Variants in MICU1 observed in about 807,000 individuals in gnomAD.
MICU1 encodes the protein calcium uptake protein 1, mitochondrial.
Under a neutral mutation model 56.8 loss-of-function variants are expected in MICU1, and 45 were observed. The observed-to-expected ratio is 0.79, with a 90% CI of 0.62 to 1.02. The LOEUF (loss-of-function observed/expected upper bound fraction) is 1.02, where lower values mean the gene tolerates loss of function less well. MICU1 is among the 50% of genes least tolerant of loss of function. The probability of loss-of-function intolerance (pLI) is 0.00; values close to 1 mark genes in which losing one functional copy is unlikely to be tolerated. For missense variants in MICU1, 504 were observed against 587.1 expected, an observed-to-expected ratio of 0.86 and a Z score of 1.46; for synonymous variants, 186 against 195.1, an observed-to-expected ratio of 0.95 and a Z score of 0.39.
chr10:72,481,403 GTTTTGTT>G (rs764147253), intron 6 of MICU1, among the ~76,000 whole-genome samples: 79 of 152,048 alleles, frequency 5.2e-4, no homozygotes, highest in Admixed American at 1.6e-3. Context: ...TTTGGTTTTT[GTTTTGTT>G]TTTTGTTTTT....
At chr10:72,562,320 G>C (rs1230583608) in intron 3 of MICU1, among the ~76,000 whole-genome samples, 1 of 151,660 alleles carries the variant, frequency 6.6e-6, no homozygotes, top group Non-Finnish European at 1.5e-5. Flanking sequence ...TGCCAGGCTA[G>C]TTTTTGTATT....
At chr10:72,576,132 T>C (rs1417119467) in intron 1 of MICU1, among the ~76,000 whole-genome samples, 1 of 146,718 alleles carries the variant, frequency 6.8e-6, no homozygotes, top group African/African-American at 2.5e-5. Context: ...TAGAATCTCT[T>C]GAACTTGGGA....
At chr10:72,537,261 T>G (rs1444956669) in intron 4 of MICU1, among the ~76,000 whole-genome samples, 2 of 152,230 alleles carry the variant, frequency 1.3e-5, no homozygotes, top group Non-Finnish European at 2.9e-5. Flanking sequence ...GTTCTTAAAA[T>G]GTTTGGAAGT....
At chr10:72,542,748 G>C (rs1212072325) in intron 4 of MICU1, among the ~76,000 whole-genome samples, 1 of 152,232 alleles carries the variant, frequency 6.6e-6, no homozygotes, top group Admixed American at 6.5e-5. Flanking sequence ...GGGCCAGTGT[G>C]ACAGCCTTTT....
At chr10:72,499,526 C>A (rs1866956667) in intron 6 of MICU1, among the ~76,000 whole-genome samples, 1 of 152,178 alleles carries the variant, frequency 6.6e-6, no homozygotes, top group South Asian at 2.1e-4. Flanking sequence ...TTCAGAAATT[C>A]TAAGCACCTC....
At chr10:72,418,109 C>G (rs1359881329) in intron 9 of MICU1, among the ~76,000 whole-genome samples, 1 of 152,134 alleles carries the variant, frequency 6.6e-6, no homozygotes, top group East Asian at 1.9e-4. Flanking sequence ...GTCATGAGAA[C>G]AGGATGGGGG....
chr10:72,480,344 G>A (rs1377444536), intron 6 of MICU1, among the ~76,000 whole-genome samples: 3 of 152,310 alleles, frequency 2.0e-5, no homozygotes, highest in African/African-American at 2.4e-5. Context: ...GATTTCAGAC[G>A]GGATCTGCTA....
At chr10:72,606,280 G>A (rs1440398516) in intron 1 of MICU1, among the ~76,000 whole-genome samples, 2 of 152,104 alleles carry the variant, frequency 1.3e-5, no homozygotes, top group South Asian at 2.1e-4. Flanking sequence ...GGGAGGCTGA[G>A]GTGGGTGGAT....
At chr10:72,462,041 C>T (rs968802055) in intron 8 of MICU1, among the ~76,000 whole-genome samples, 9 of 152,136 alleles carry the variant, frequency 5.9e-5, no homozygotes, top group African/African-American at 2.2e-4. Context: ...AGACTTTGAG[C>T]AAGTTATTTA....
intron 10 of MICU1, among the ~76,000 whole-genome samples, chr10:72,387,940 T>C (rs1589160476): frequency 6.6e-6 from 1 of 152,190 alleles, no homozygotes; most frequent in Non-Finnish European, 1.5e-5. Flanking sequence ...GTCAACCTAG[T>C]ATATTAATAT....
intron 11 of MICU1, 84 bp downstream of exon 11, chr10:72,375,699 C>T: frequency 3.2e-6 from 4 of 1,257,254 alleles, no homozygotes; most frequent in Non-Finnish European, 4.4e-6. Flanking sequence ...TACACAGATG[C>T]TGTCCGCAAG....
In MICU1 at chr10:72,396,377, C is replaced by T. The variant is rs187081198; in HGVS notation, c.1180+11552G>A. Among the ~76,000 whole-genome samples, 10 of 152,160 alleles carry T rather than the reference C, an allele frequency of 6.6e-5. No homozygotes were observed. In the East Asian group the frequency reaches 1.7e-3, roughly 26 times the overall value. On this transcript the variant is annotated intron_variant, in intron 10 of 11. Coordinates refer to ENST00000361114, the MANE Select transcript of MICU1 (RefSeq NM_001195518.2). ...AATTCTAAAAAGCAGAGCGCCTCTTCTCCTCCAAAGGATCGCAGCTCCTCG... is the reference window on the plus strand; with the variant it reads ...AATTCTAAAAAGCAGAGCGCCTCTTTTCCTCCAAAGGATCGCAGCTCCTCG...
In MICU1 at chr10:72,407,674, T is replaced by G. The variant is rs2275181; in HGVS notation, c.1180+255A>C. ...CAGCTTCATGCCCTGTGCCTCAGCT[T>G]AGATGCTTATTTTCAAGGTTAGTCA... On this transcript the variant is annotated intron_variant, in intron 10 of 11. Coordinates refer to ENST00000361114, the MANE Select transcript of MICU1 (RefSeq NM_001195518.2). Among the ~76,000 whole-genome samples the G allele has an allele frequency of 6.3e-3, 966 of 152,306 alleles. 8 individuals are homozygous for G. Among genetic ancestry groups the G allele is most frequent in the East Asian group, 0.034 (177 of 5,186 alleles).
rs532232702 is a variant in MICU1, at chr10:72,442,708, A to G, written c.934-19337T>C. On this transcript the variant is annotated intron_variant, in intron 8 of 11. Coordinates refer to ENST00000361114, the MANE Select transcript of MICU1 (RefSeq NM_001195518.2). ...TAAACTTTCCTTAGTCTTCAGTGCT[A>G]TTACAGTAGGTAAGGTCTAGACCTA... Among the ~76,000 whole-genome samples the G allele has an allele frequency of 3.3e-5, 5 of 152,284 alleles. No homozygotes were observed. In the South Asian group the frequency reaches 1.0e-3, roughly 32 times the overall value.
Position 72,475,188 on chromosome 10 carries a change from A to C in MICU1, c.845T>G (p.Phe282Cys). The C allele has an allele frequency of 1.9e-6, 3 of 1,611,508 alleles. No individual in the cohort carries two copies. Among genetic ancestry groups the C allele is most frequent in the Non-Finnish European group, 2.5e-6 (3 of 1,178,832 alleles). The change falls in exon 8 of 12, where the codon TTT becomes TGT. Residue 282 changes from phenylalanine (F) to cysteine (C), a missense_variant. Physicochemically the swap from Phe to Cys is radical, Grantham distance 205. Transcript: ENST00000361114. ...CTTTCCCTTCAGATCAGCTCCAAAA[A>C]AGTAGGTTGTGAGGGCTGAACACAA... ...SGLCSALTTYFFGADLKGKLT... is the reference protein window; with the variant it reads ...SGLCSALTTYCFGADLKGKLT...
intron 6 of MICU1, among the ~76,000 whole-genome samples, chr10:72,489,325 A>ACACAC (rs1564898377): frequency 4.9e-5 from 6 of 121,280 alleles, no homozygotes; most frequent in African/African-American, 1.5e-4. Context: ...CACACACACA[A>ACACAC]AAATAAAAAA....
At chr10:72,549,422 C>A (rs996334351) in intron 4 of MICU1, among the ~76,000 whole-genome samples, 2 of 152,008 alleles carry the variant, frequency 1.3e-5, no homozygotes, top group African/African-American at 4.8e-5. Flanking sequence ...AACTCCTGAG[C>A]TCAAATAATC....
intron 6 of MICU1, among the ~76,000 whole-genome samples, chr10:72,481,422 G>GT (rs1213117579): frequency 1.3e-5 from 2 of 151,736 alleles, no homozygotes; most frequent in African/African-American, 2.4e-5. Flanking sequence ...TTTGTTTTTT[G>GT]TTTTTTTGAG....
intron 11 of MICU1, among the ~76,000 whole-genome samples, chr10:72,371,765 A>G (rs1467117535): frequency 3.3e-5 from 5 of 149,554 alleles, no homozygotes; most frequent in African/African-American, 9.9e-5. Flanking sequence ...ATATATATAT[A>G]TAGGCCAAGG....
Sources: gnomAD v4.1 joint callset for allele counts (sites outside exome capture counted in the v4.1 genomes callset) on GRCh38, gnomAD v4.1.1 for gene constraint, MANE v1.5 for transcripts, NCBI Gene and HGNC (gene_info 2026-07-23, HGNC 2026-07-21) for gene names.